The following TMEFF1 variants were observed in gnomAD, a reference collection of about 807,000 sequenced individuals.
TMEFF1 encodes the protein tomoregulin-1.
A neutral mutation model predicts 47.5 loss-of-function variants in TMEFF1; 20 were observed. That is an observed-to-expected ratio of 0.42 (90% CI 0.30 to 0.61). The LOEUF (loss-of-function observed/expected upper bound fraction) is 0.61. Among genes scored for constraint, TMEFF1 ranks in the 20% least tolerant of loss-of-function variants. The pLI is 0.19. For missense variants in TMEFF1, 411 were observed against 471.1 expected, an observed-to-expected ratio of 0.87 and a Z score of 1.18; for synonymous variants, 162 against 166.3, an observed-to-expected ratio of 0.97 and a Z score of 0.20.
Position 100,477,031 on chromosome 9 carries a change from C to T in TMEFF1, c.196+3291C>T, listed in dbSNP as rs138236296. ...TTAAAACTAAATACAGCCCTCGATTCCCTGTAGATATTCATTTTTGGTTTT... is the reference window on the plus strand; with the variant it reads ...TTAAAACTAAATACAGCCCTCGATTTCCTGTAGATATTCATTTTTGGTTTT... On this transcript the variant is annotated intron_variant, in intron 1 of 9. Coordinates refer to ENST00000374879, the MANE Select transcript of TMEFF1 (RefSeq NM_003692.5). 2.5e-3 allele frequency among the ~76,000 whole-genome samples: 379 copies of T among 152,280 alleles called. 2 individuals carry two copies. The highest frequency in any genetic ancestry group is 0.018 in the South Asian group (87 of 4,826).
chr9:100,473,826 A>G lies in TMEFF1; in HGVS notation c.196+86A>G. The G allele has an allele frequency of 7.3e-7, 1 of 1,368,136 alleles. No homozygotes were observed. 84.7% of individuals were successfully genotyped at this position (1,368,136 alleles called of 1,614,324 possible). The stretch of plus-strand genomic sequence containing the variant: ...GTCCCTGCGGTCGGCCGGGCTGGGA[A>G]AGACCCCGTCGTGGGGGTCCCAGGG... On this transcript the variant is annotated intron_variant, in intron 1 of 9. Coordinates refer to ENST00000374879, the MANE Select transcript of TMEFF1 (RefSeq NM_003692.5). The surrounding 1 kb of genome is among the most constrained non-coding windows in gnomAD (Gnocchi z 5.4).
chr9:100,526,775 G>A (rs1490253342), intron 5 of TMEFF1, among the ~76,000 whole-genome samples: 2 of 151,716 alleles, frequency 1.3e-5, no homozygotes, highest in Non-Finnish European at 2.9e-5. Flanking sequence ...AAATGAGTTA[G>A]GGAGTGTTTT....
At chr9:100,539,279 A>G (rs1564022480) in intron 5 of TMEFF1, among the ~76,000 whole-genome samples, 1 of 152,204 alleles carries the variant, frequency 6.6e-6, no homozygotes, top group South Asian at 2.1e-4. Context: ...GTTTTTCGTC[A>G]GAATGCCTGT....
At chr9:100,507,556 G>A (rs1837885398) in intron 2 of TMEFF1, among the ~76,000 whole-genome samples, 1 of 152,094 alleles carries the variant, frequency 6.6e-6, no homozygotes, top group Admixed American at 6.5e-5. Context: ...TGACTCTTGT[G>A]AGATGGTGTT....
chr9:100,501,248 T>C (rs548054081), intron 2 of TMEFF1, among the ~76,000 whole-genome samples: 1 of 152,350 alleles, frequency 6.6e-6, no homozygotes, highest in South Asian at 2.1e-4. Flanking sequence ...TGGATACTCA[T>C]GTGCAGATTA....
chr9:100,530,333 T>C (rs11562345), intron 5 of TMEFF1, among the ~76,000 whole-genome samples: 33,357 of 151,692 alleles, frequency 0.22, 4,004 homozygotes, highest in South Asian at 0.33. Context: ...ATTGATAGAC[T>C]GCTAGCAAGA....
chr9:100,569,225 T>G (rs1839181534), intron 8 of TMEFF1, among the ~76,000 whole-genome samples: 1 of 152,190 alleles, frequency 6.6e-6, no homozygotes, highest in Admixed American at 6.5e-5. Context: ...TATCTGACTT[T>G]TTGATTTAGG....
chr9:100,563,164 G>C (rs778892635), intron 8 of TMEFF1, among the ~76,000 whole-genome samples: 1 of 152,152 alleles, frequency 6.6e-6, no homozygotes, highest in Non-Finnish European at 1.5e-5. Context: ...TGTTGCCCAG[G>C]CTGGTCTTGA....
chr9:100,538,575 C>T (rs916063911), intron 5 of TMEFF1, among the ~76,000 whole-genome samples: 2 of 152,230 alleles, frequency 1.3e-5, no homozygotes, highest in African/African-American at 4.8e-5. Context: ...TATTCCCTTC[C>T]TTTCTTTATA....
intron 8 of TMEFF1, among the ~76,000 whole-genome samples, chr9:100,564,184 C>T (rs1839076537): frequency 6.6e-6 from 1 of 152,220 alleles, no homozygotes; most frequent in Non-Finnish European, 1.5e-5. Flanking sequence ...AAGCGATTCT[C>T]TTGCCTCAGC....
At chr9:100,494,690 A>G (rs1169703950) in intron 1 of TMEFF1, among the ~76,000 whole-genome samples, 1 of 152,178 alleles carries the variant, frequency 6.6e-6, no homozygotes, top group Admixed American at 6.5e-5. Flanking sequence ...AATGTAGGTT[A>G]TTTAGTTGGG....
At chr9:100,476,873 T>G (rs886066115) in intron 1 of TMEFF1, among the ~76,000 whole-genome samples, 3 of 151,898 alleles carry the variant, frequency 2.0e-5, no homozygotes, top group African/African-American at 7.3e-5. Flanking sequence ...ATTTTTTGTA[T>G]TTTTAGTAGA....
chr9:100,541,472 C>T (rs1255657013), intron 5 of TMEFF1, among the ~76,000 whole-genome samples: 1 of 146,666 alleles, frequency 6.8e-6, no homozygotes, highest in East Asian at 2.1e-4. Context: ...CTCCCAAGTT[C>T]GAGTGATTCT....
chr9:100,530,443 G>GA (rs1219631449), intron 5 of TMEFF1, among the ~76,000 whole-genome samples: 3 of 152,100 alleles, frequency 2.0e-5, no homozygotes, highest in African/African-American at 7.2e-5. Context: ...TACCATCAGA[G>GA]AATACTACAA....
intron 1 of TMEFF1, among the ~76,000 whole-genome samples, chr9:100,497,199 T>C (rs1463392064): frequency 6.6e-6 from 1 of 151,968 alleles, no homozygotes; most frequent in Non-Finnish European, 1.5e-5. Context: ...ACATAAAGCT[T>C]CCACAGCCAG....
At chr9:100,539,106 A>G (rs918625375) in intron 5 of TMEFF1, among the ~76,000 whole-genome samples, 6 of 152,152 alleles carry the variant, frequency 3.9e-5, no homozygotes, top group Non-Finnish European at 7.3e-5. Context: ...GGGTTTCGCC[A>G]TGTTGGCCAG....
intron 5 of TMEFF1, among the ~76,000 whole-genome samples, chr9:100,540,744 T>C (rs1838613452): frequency 6.6e-6 from 1 of 152,244 alleles, no homozygotes; most frequent in Admixed American, 6.5e-5. Flanking sequence ...GGTTTTGTCC[T>C]TGTTTTTGAC....
intron 5 of TMEFF1, among the ~76,000 whole-genome samples, chr9:100,530,889 T>C (rs1444763726): frequency 6.6e-6 from 1 of 152,156 alleles, no homozygotes; most frequent in African/African-American, 2.4e-5. Flanking sequence ...TTATCCACCA[T>C]GGTCAAGTGG....
At chr9:100,483,125 A>G (rs1404830632) in intron 1 of TMEFF1, among the ~76,000 whole-genome samples, 1 of 152,080 alleles carries the variant, frequency 6.6e-6, no homozygotes. Flanking sequence ...GAATTTATAT[A>G]TGTTACAGAT....
Sources: gnomAD v4.1 joint callset for allele counts (sites outside exome capture counted in the v4.1 genomes callset) on GRCh38, gnomAD v4.1.1 for gene constraint, Gnocchi (gnomAD v3.1) non-coding constraint, MANE v1.5 for transcripts, NCBI Gene and HGNC (gene_info 2026-07-23, HGNC 2026-07-21) for gene names.